ZNF407: variants seen among roughly 807,000 people sequenced by gnomAD.
ZNF407 encodes zinc finger protein 407.
ZNF407 carries 17 observed loss-of-function variants against 131.2 expected under a neutral mutation model. The ratio of observed to expected loss-of-function variants is 0.13; its 90% CI spans 0.09 to 0.19. The LOEUF (loss-of-function observed/expected upper bound fraction) is 0.19, where lower values mean the gene tolerates loss of function less well. ZNF407 is among the 10% of genes least tolerant of loss of function. ZNF407 has a pLI of 1.00. For missense variants in ZNF407, 2,681 were observed against 2,830.6 expected (o/e 0.95, Z 1.20); for synonymous variants, 1,156 against 1,062.0 (o/e 1.09, Z -1.72).
chr18:74,973,898 G>C (rs1972499752), intron 8 of ZNF407, among the ~76,000 whole-genome samples: 1 of 152,104 alleles, frequency 6.6e-6, no homozygotes, highest in South Asian at 2.1e-4. Flanking sequence ...TGTTGAATTA[G>C]GGAGCTGCAG....
In ZNF407 at chr18:75,063,452, G is replaced by A. The variant is rs1383102817; in HGVS notation, c.5731G>A (p.Val1911Ile). The change falls in exon 9 of 9, where the codon GTC (valine) becomes ATC (isoleucine). Residue 1911 changes from valine to isoleucine, a missense_variant. Val to Ile is a conservative substitution (Grantham distance 29, BLOSUM62 3). Coordinates refer to ENST00000299687, the MANE Select transcript of ZNF407 (RefSeq NM_017757.3). This position sits in a 1 kb window ranked among gnomAD's most constrained non-coding sequence, Gnocchi z 6.6. ...RVVHITEDGQ[V>I]IATSQSGAHV... ...GGTGCATATCACGGAGGATGGCCAG[G>A]TCATCGCCACGAGTCAGAGCGGGGC... 6.2e-7 allele frequency: 1 copy of A among 1,607,908 alleles called. No individual in the cohort carries two copies. The highest frequency in any genetic ancestry group is 8.5e-7 in the Non-Finnish European group (1 of 1,178,096).
At chr18:74,910,076 T>G (rs1336864919) in intron 7 of ZNF407, among the ~76,000 whole-genome samples, 1 of 152,172 alleles carries the variant, frequency 6.6e-6, no homozygotes, top group Non-Finnish European at 1.5e-5. Flanking sequence ...TGGGCACATG[T>G]AGCTGGAGAC....
chr18:74,676,483 C>A (rs1210515391), intron 3 of ZNF407, among the ~76,000 whole-genome samples: 1 of 149,066 alleles, frequency 6.7e-6, no homozygotes, highest in South Asian at 2.1e-4. Context: ...GTCACCCAGG[C>A]TGGAGTGCAG....
intron 8 of ZNF407, among the ~76,000 whole-genome samples, chr18:74,988,586 C>T (rs1273359629): frequency 6.6e-6 from 1 of 150,994 alleles, no homozygotes; most frequent in Non-Finnish European, 1.5e-5. Context: ...AAGACAAAAA[C>T]CCAACTAAGA....
chr18:74,669,810 A>G lies in ZNF407; in HGVS notation c.4802+28688A>G, dbSNP rs1003771639. On this transcript the variant is annotated intron_variant, in intron 3 of 8. Coordinates refer to ENST00000299687, the MANE Select transcript of ZNF407 (RefSeq NM_017757.3). Reference sequence around the variant, plus strand: ...TTTCAGAACGCTCCTTGTGGGGAAAAAAAGAAGTAAAGTTGTTACAAAAAT... The same window carrying G: ...TTTCAGAACGCTCCTTGTGGGGAAAGAAAGAAGTAAAGTTGTTACAAAAAT... Among the ~76,000 whole-genome samples, 17 of 152,338 alleles carry G rather than the reference A, an allele frequency of 1.1e-4. No individual in the cohort carries two copies. In the East Asian group the frequency reaches 3.1e-3, roughly 28 times the overall value.
chr18:74,777,728 G>A (rs1029415221), intron 3 of ZNF407, among the ~76,000 whole-genome samples: 3 of 93,320 alleles, frequency 3.2e-5, no homozygotes, highest in Admixed American at 1.4e-4. Flanking sequence ...TTGATCGATC[G>A]CACTCTCTCT....
chr18:75,037,954 TA>T lies in ZNF407; in HGVS notation c.5429-25195del, dbSNP rs551616443. 1.9e-3 allele frequency among the ~76,000 whole-genome samples: 290 copies of T among 152,312 alleles called. 2 individuals are homozygous for T. Among genetic ancestry groups the T allele is most frequent in the Middle Eastern group, 3.4e-3 (1 of 294 alleles). On this transcript the variant is annotated intron_variant, in intron 8 of 8. Transcript: ENST00000299687. ...ATGTCAAAGTTTTAGTTAATTACAC[TA>T]GATGATTTTTTTGAGATTAATAATT...
intron 3 of ZNF407, among the ~76,000 whole-genome samples, chr18:74,663,251 T>C (rs1985790103): frequency 1.3e-5 from 2 of 152,206 alleles, no homozygotes; most frequent in African/African-American, 2.4e-5. Flanking sequence ...GTAGCTCTTA[T>C]TTATGTGTAC....
chr18:74,719,858 A>G (rs542227896), intron 3 of ZNF407, among the ~76,000 whole-genome samples: 1 of 152,290 alleles, frequency 6.6e-6, no homozygotes, highest in Non-Finnish European at 1.5e-5. Flanking sequence ...TGGCTGAGTA[A>G]TACTCCATTG....
At chr18:75,062,253 C>T (rs1204153378) in intron 8 of ZNF407, 2 of 152,252 alleles carry the variant, frequency 1.3e-5, no homozygotes, top group African/African-American at 2.4e-5. Flanking sequence ...TTACATCTTT[C>T]CCTGAATATT....
chr18:74,676,840 CAAGA>C (rs1986414646), intron 3 of ZNF407, among the ~76,000 whole-genome samples: 1 of 152,108 alleles, frequency 6.6e-6, no homozygotes, highest in African/African-American at 2.4e-5. Context: ...TCAGTTTATC[CAAGA>C]AACTGTCTTT....
At chr18:74,776,195 C>T (rs1190207583) in intron 3 of ZNF407, among the ~76,000 whole-genome samples, 1 of 152,218 alleles carries the variant, frequency 6.6e-6, no homozygotes, top group Non-Finnish European at 1.5e-5. Context: ...TTTGCCCCTT[C>T]TGCCTTGTGT....
At chr18:74,730,603 C>T (rs766356663) in intron 3 of ZNF407, among the ~76,000 whole-genome samples, 6 of 152,108 alleles carry the variant, frequency 3.9e-5, no homozygotes, top group South Asian at 2.1e-4. Context: ...CTTGGTGTTG[C>T]CCTTTAAGGG....
At chr18:74,858,675 C>T (rs1458577557) in intron 4 of ZNF407, among the ~76,000 whole-genome samples, 1 of 152,176 alleles carries the variant, frequency 6.6e-6, no homozygotes, top group African/African-American at 2.4e-5. Flanking sequence ...TCCACTTTTC[C>T]TTATTGATCT....
At position 74,631,261 on chromosome 18, in the gene ZNF407, C is replaced by T. The variant is rs1201192876; in HGVS notation, c.242C>T (p.Ala81Val). Residue 81 changes from alanine to valine, a missense_variant, in exon 2 of 9, where the codon GCA (alanine) becomes GTA (valine). Transcript: ENST00000299687. ...HASKRRKLDEAEPLKSGKQGI... is the reference protein window; with the variant it reads ...HASKRRKLDEVEPLKSGKQGI... ...TCCAAACGCAGGAAATTAGATGAGG[C>T]AGAGCCCCTTAAATCTGGAAAGCAA... 6.2e-7 allele frequency: 1 copy of T among 1,613,824 alleles called. No individual in the cohort carries two copies. Among genetic ancestry groups the T allele is most frequent in the African/African-American group, 1.3e-5 (1 of 74,900 alleles).
At chr18:74,856,288 A>T (rs1227827880) in intron 4 of ZNF407, among the ~76,000 whole-genome samples, 1 of 152,198 alleles carries the variant, frequency 6.6e-6, no homozygotes, top group Non-Finnish European at 1.5e-5. Context: ...TGGCAAAAGC[A>T]TTTGTCACAA....
chr18:74,655,728 C>T (rs1985425535), intron 3 of ZNF407, among the ~76,000 whole-genome samples: 1 of 152,106 alleles, frequency 6.6e-6, no homozygotes, highest in African/African-American at 2.4e-5. Context: ...GGTGTGAGTG[C>T]ACACACATGC....
rs992156549 is a variant in ZNF407, at chr18:74,804,234, T to C, written c.4877+22732T>C. 4.8e-6 allele frequency: 6 copies of C among 1,243,672 alleles called. No homozygotes were observed. In the African/African-American group the frequency reaches 6.1e-5, roughly 13 times the overall value. 77.0% of individuals were successfully genotyped at this position (1,243,672 alleles called of 1,614,324 possible). A position where few individuals can be genotyped will look rare whatever the true frequency, so the allele number is the denominator to read the frequency against. ...CACAAATGTAGGCTAGTCTAGTGAT[T>C]TTCTGGAAGGAACTGTTATTTTAAA... is the stretch of plus-strand genomic sequence containing the variant. On this transcript the variant is annotated intron_variant, in intron 4 of 8. Coordinates refer to ENST00000299687, the MANE Select transcript of ZNF407 (RefSeq NM_017757.3).
chr18:74,908,448 C>G (rs1442803046), intron 7 of ZNF407, among the ~76,000 whole-genome samples: 1 of 54,440 alleles, frequency 1.8e-5, no homozygotes, highest in Non-Finnish European at 4.0e-5. Flanking sequence ...TATAGCCCAT[C>G]ATTTCCTAAT....
Sources: gnomAD v4.1 joint callset for allele counts (sites outside exome capture counted in the v4.1 genomes callset) on GRCh38, gnomAD v4.1.1 for gene constraint, Gnocchi (gnomAD v3.1) non-coding constraint, MANE v1.5 for transcripts, NCBI Gene and HGNC (gene_info 2026-07-23, HGNC 2026-07-21) for gene names.